Variants in FAM168A observed in about 807,000 individuals in gnomAD.
The protein encoded by FAM168A is family with sequence similarity 168 member A, also known as protein FAM168A.
Under a neutral mutation model 28.5 loss-of-function variants are expected in FAM168A, and 3 were observed. The observed-to-expected ratio is 0.11, with a 90% CI of 0.05 to 0.27. The LOEUF (loss-of-function observed/expected upper bound fraction) is 0.27. Among genes scored for constraint, FAM168A ranks in the 10% least tolerant of loss-of-function variants. The pLI is 1.00. For synonymous variants in FAM168A, 122 were observed against 124.2 expected, an observed-to-expected ratio of 0.98 and a Z score of 0.12; for missense variants, 222 against 311.5, an observed-to-expected ratio of 0.71 and a Z score of 2.16.
At chr11:73,484,076 T>C (rs1425756262) in intron 1 of FAM168A, among the ~76,000 whole-genome samples, 2 of 152,216 alleles carry the variant, frequency 1.3e-5, no homozygotes, top group African/African-American at 2.4e-5. Context: ...TCTTGCTGCT[T>C]CCTTCCTCCC....
chr11:73,500,724 C>T (rs1020450745), intron 1 of FAM168A, among the ~76,000 whole-genome samples: 3 of 152,146 alleles, frequency 2.0e-5, no homozygotes, highest in Non-Finnish European at 2.9e-5. Flanking sequence ...GTACCAGCCA[C>T]TGTAAAAACA....
chr11:73,481,224 A>G (rs566969282), intron 1 of FAM168A, among the ~76,000 whole-genome samples: 1 of 152,236 alleles, frequency 6.6e-6, no homozygotes, highest in South Asian at 2.1e-4. Context: ...CAGCTTCTGG[A>G]TAATTCTTAC....
chr11:73,411,915 T>TA (rs1359918140), intron 4 of FAM168A, among the ~76,000 whole-genome samples: 1 of 152,214 alleles, frequency 6.6e-6, no homozygotes, highest in Non-Finnish European at 1.5e-5. Flanking sequence ...TCTTTATTGC[T>TA]ACTCTACTTG....
chr11:73,553,244 C>T (rs1249831941), intron 1 of FAM168A, among the ~76,000 whole-genome samples: 1 of 151,768 alleles, frequency 6.6e-6, no homozygotes, highest in African/African-American at 2.4e-5. Context: ...GACCTTAATC[C>T]CTCCCACATT....
At chr11:73,414,708 CTAT>C (rs569606301) in intron 4 of FAM168A, among the ~76,000 whole-genome samples, 184 of 152,318 alleles carry the variant, frequency 1.2e-3, no homozygotes, top group Middle Eastern at 3.4e-3. Context: ...TAAAGATCAG[CTAT>C]TATTATTTTC....
At chr11:73,565,182 G>A (rs916862569) in intron 1 of FAM168A, among the ~76,000 whole-genome samples, 3 of 152,168 alleles carry the variant, frequency 2.0e-5, no homozygotes, top group Admixed American at 2.0e-4. Flanking sequence ...CAACCTTACA[G>A]GAGGATGTTT....
At chr11:73,554,090 C>A (rs1943860169) in intron 1 of FAM168A, among the ~76,000 whole-genome samples, 1 of 150,814 alleles carries the variant, frequency 6.6e-6, no homozygotes, top group Non-Finnish European at 1.5e-5. Flanking sequence ...AAAATAAAGA[C>A]TGAGGCCAGG....
chr11:73,455,671 A>C (rs1867518334), intron 2 of FAM168A, among the ~76,000 whole-genome samples: 1 of 152,200 alleles, frequency 6.6e-6, no homozygotes, highest in Non-Finnish European at 1.5e-5. Context: ...GTCTTTATAA[A>C]ACTGGTAATC....
chr11:73,411,613 G>A (rs1761885325), intron 4 of FAM168A, 77 bp from the exon 5 acceptor site: 4 of 1,447,928 alleles, frequency 2.8e-6, no homozygotes, highest in Admixed American at 1.8e-5. Context: ...TCCCAGTCAC[G>A]ACTCCCCAGA....
intron 1 of FAM168A, among the ~76,000 whole-genome samples, chr11:73,585,720 T>C (rs965905802): frequency 1.3e-5 from 2 of 151,620 alleles, no homozygotes; most frequent in Non-Finnish European, 2.9e-5. Flanking sequence ...ATACAAAAAT[T>C]ACCTGAGCAT....
intron 1 of FAM168A, among the ~76,000 whole-genome samples, chr11:73,485,365 G>A (rs1868039600): frequency 6.6e-6 from 1 of 152,114 alleles, no homozygotes; most frequent in Admixed American, 6.6e-5. Flanking sequence ...ATCCACTAAT[G>A]TCACCTATTG....
At chr11:73,526,866 C>G (rs1018626808) in intron 1 of FAM168A, among the ~76,000 whole-genome samples, 33 of 64,326 alleles carry the variant, frequency 5.1e-4, no homozygotes, top group Non-Finnish European at 7.7e-4. Context: ...AAGACTCCAT[C>G]TCAAAAAAAA....
chr11:73,425,066 T>G, intron 3 of FAM168A: 2 of 1,522,604 alleles, frequency 1.3e-6, no homozygotes, highest in South Asian at 2.4e-5. Flanking sequence ...ATAGAAATGT[T>G]AGTTGAAATT....
intron 2 of FAM168A, among the ~76,000 whole-genome samples, chr11:73,450,730 C>A (rs926093445): frequency 2.0e-5 from 3 of 149,594 alleles, no homozygotes; most frequent in Non-Finnish European, 4.4e-5. Context: ...TTTTTATGGA[C>A]CAGACAGACC....
In FAM168A at chr11:73,431,509, A is replaced by T. The variant is rs187111326; in HGVS notation, c.71-739T>A. Among the ~76,000 whole-genome samples the T allele has an allele frequency of 4.2e-3, 635 of 151,180 alleles. 7 individuals are homozygous for T. Among genetic ancestry groups the T allele is most frequent in the African/African-American group, 0.015 (611 of 40,438 alleles). On this transcript the variant is annotated intron_variant, in intron 2 of 7. Transcript: ENST00000356467. ...CAGATGGCTTTCTACACATTTTTAT[A>T]TACATATATTCAGTGGTGTGCTGGT...
chr11:73,545,375 C>T (rs986462890), intron 1 of FAM168A, among the ~76,000 whole-genome samples: 6 of 151,774 alleles, frequency 4.0e-5, no homozygotes, highest in Non-Finnish European at 5.9e-5. Flanking sequence ...ATAAAGGCCA[C>T]ATATTATATT....
intron 2 of FAM168A, among the ~76,000 whole-genome samples, chr11:73,466,193 G>C (rs1411314989): frequency 6.6e-6 from 1 of 152,170 alleles, no homozygotes; most frequent in Non-Finnish European, 1.5e-5. Flanking sequence ...CCCTCCTGAG[G>C]CTACCCCAAA....
At chr11:73,571,020 T>C (rs1254855571) in intron 1 of FAM168A, among the ~76,000 whole-genome samples, 1 of 152,134 alleles carries the variant, frequency 6.6e-6, no homozygotes, top group Non-Finnish European at 1.5e-5. Context: ...ACAACTATTC[T>C]ACTGTAATAC....
intron 1 of FAM168A, among the ~76,000 whole-genome samples, chr11:73,503,167 A>G (rs1424674576): frequency 2.0e-5 from 3 of 152,200 alleles, no homozygotes; most frequent in Admixed American, 2.0e-4. Context: ...CAGACAAGAT[A>G]AAGAAATAAA....
Sources: gnomAD v4.1 joint callset for allele counts (sites outside exome capture counted in the v4.1 genomes callset) on GRCh38, gnomAD v4.1.1 for gene constraint, MANE v1.5 for transcripts, NCBI Gene and HGNC (gene_info 2026-07-23, HGNC 2026-07-21) for gene names.